CEP63: variants seen among roughly 807,000 people sequenced by gnomAD.
CEP63 encodes centrosomal protein 63, also known as centrosomal protein of 63 kDa.
CEP63 carries 84 observed loss-of-function variants against 89.1 expected under a neutral mutation model. The ratio of observed to expected loss-of-function variants is 0.94; its 90% CI spans 0.79 to 1.13. The LOEUF (loss-of-function observed/expected upper bound fraction) is 1.13, where lower values mean the gene tolerates loss of function less well. CEP63 is among the 50% of genes most tolerant of loss of function. CEP63 has a pLI of 0.00. For synonymous variants in CEP63, 267 were observed against 272.5 expected (o/e 0.98, Z 0.20); for missense variants, 838 against 813.3 (o/e 1.03, Z -0.37).
chr3:134,660,057 A>G, the CEP63 span, among the ~76,000 whole-genome samples: 111 of 152,312 alleles, frequency 7.3e-4, no homozygotes, highest in East Asian at 0.019. Context: ...TGAGGGGATG[A>G]GGGGGAGCCT....
chr3:134,610,267 C>T, the CEP63 span: 2 of 1,613,974 alleles, frequency 1.2e-6, no homozygotes, highest in Non-Finnish European at 1.7e-6. Context: ...GTGCCATCTT[C>T]CCTCCAGGTA....
the CEP63 span, chr3:134,607,297 C>G: frequency 1.0e-6 from 1 of 985,496 alleles, no homozygotes; most frequent in Non-Finnish European, 1.2e-6. Context: ...AGCAACTTGG[C>G]AAAGGAAGTC....
chr3:134,555,650 C>T (rs1487930860), intron 12 of CEP63, among the ~76,000 whole-genome samples: 2 of 152,152 alleles, frequency 1.3e-5, no homozygotes, highest in Non-Finnish European at 2.9e-5. Flanking sequence ...AAGAACATCC[C>T]ATGCTCATGG....
intron 10 of CEP63, among the ~76,000 whole-genome samples, chr3:134,582,357 G>A (rs1467869017): frequency 6.6e-6 from 1 of 151,438 alleles, no homozygotes; most frequent in Non-Finnish European, 1.5e-5. Flanking sequence ...AGGCCCCAGT[G>A]TGTGATGTTC....
chr3:134,606,376 C>T, the CEP63 span, among the ~76,000 whole-genome samples: 355 of 152,312 alleles, frequency 2.3e-3, no homozygotes, highest in Non-Finnish European at 4.1e-3. Flanking sequence ...CAAGCACTCT[C>T]TCAGATCCTC....
chr3:134,652,716 A>G, the CEP63 span, among the ~76,000 whole-genome samples: 1 of 152,062 alleles, frequency 6.6e-6, no homozygotes, highest in Non-Finnish European at 1.5e-5. Context: ...CTGGGGAAGT[A>G]AGAACTATGC....
the CEP63 span, chr3:134,624,983 G>T: frequency 7.6e-7 from 1 of 1,308,874 alleles, no homozygotes; most frequent in Non-Finnish European, 1.1e-6. Context: ...TGTCTGGGGA[G>T]AGGTTTTGCT....
At chr3:134,630,083 T>C in the CEP63 span, among the ~76,000 whole-genome samples, 20 of 152,352 alleles carry the variant, frequency 1.3e-4, no homozygotes, top group Non-Finnish European at 1.9e-4. Context: ...TCATCTAGAC[T>C]GGACTTAAAG....
chr3:134,698,232 G>C, the CEP63 span, among the ~76,000 whole-genome samples: 8 of 152,260 alleles, frequency 5.3e-5, no homozygotes, highest in African/African-American at 1.9e-4. Flanking sequence ...CTAGGCTGCA[G>C]TGGAGATCAG....
intron 1 of CEP63, among the ~76,000 whole-genome samples, chr3:134,488,299 A>G (rs1473065687): frequency 6.6e-6 from 1 of 152,130 alleles, no homozygotes; most frequent in Non-Finnish European, 1.5e-5. Context: ...AACCCTGTCC[A>G]TGTGTATTAT....
At chr3:134,632,534 A>G in the CEP63 span, among the ~76,000 whole-genome samples, 1 of 152,068 alleles carries the variant, frequency 6.6e-6, no homozygotes, top group African/African-American at 2.4e-5. Context: ...TCTCAAGGAA[A>G]ATTAGAAAAT....
At chr3:134,495,542 A>T (rs563447442) in intron 2 of CEP63, among the ~76,000 whole-genome samples, 178 bp downstream of exon 2, 216 of 152,308 alleles carry the variant, frequency 1.4e-3, no homozygotes, top group African/African-American at 5.1e-3. Flanking sequence ...CAATTCTTCT[A>T]GCTACTTTGA....
At chr3:134,702,949 C>T in the CEP63 span, among the ~76,000 whole-genome samples, 1 of 152,080 alleles carries the variant, frequency 6.6e-6, no homozygotes, top group South Asian at 2.1e-4. Flanking sequence ...TCATTTGACC[C>T]AGCAATCTCA....
At chr3:134,528,639 G>GTA (rs2108961801) in intron 3 of CEP63, among the ~76,000 whole-genome samples, 1 of 151,626 alleles carries the variant, frequency 6.6e-6, no homozygotes, top group Admixed American at 6.6e-5. Context: ...TATGTTAGGA[G>GTA]TAATGGCTGT....
chr3:134,705,739 A>G, the CEP63 span, among the ~76,000 whole-genome samples: 2 of 152,172 alleles, frequency 1.3e-5, no homozygotes, highest in Admixed American at 6.5e-5. Context: ...CCTGAATGCC[A>G]GTGGGGAGCT....
At chr3:134,760,338 C>A in the CEP63 span, among the ~76,000 whole-genome samples, 1 of 152,138 alleles carries the variant, frequency 6.6e-6, no homozygotes, top group Non-Finnish European at 1.5e-5. Context: ...GGATTACAGG[C>A]CTGAGCCACC....
chr3:134,697,887 T>C, the CEP63 span, among the ~76,000 whole-genome samples: 4 of 152,202 alleles, frequency 2.6e-5, no homozygotes, highest in African/African-American at 9.6e-5. Context: ...ACTGATGGGC[T>C]GGGAGTGGAG....
At chr3:134,511,689 C>G (rs372326508) in intron 3 of CEP63, among the ~76,000 whole-genome samples, 4 of 152,120 alleles carry the variant, frequency 2.6e-5, no homozygotes, top group Non-Finnish European at 4.4e-5. Flanking sequence ...GAAGCAGGCA[C>G]ATTTTCACAT....
At chr3:134,614,782 T>C in the CEP63 span, among the ~76,000 whole-genome samples, 1 of 152,212 alleles carries the variant, frequency 6.6e-6, no homozygotes, top group African/African-American at 2.4e-5. Context: ...ATGATGCTCC[T>C]ACAGTCAGTA....
Sources: allele counts gnomAD v4.1 joint callset (sites outside exome capture counted in the v4.1 genomes callset), GRCh38; gene constraint gnomAD v4.1.1; transcripts MANE v1.5; gene names NCBI Gene and HGNC (gene_info 2026-07-23, HGNC 2026-07-21).